Variants in SYN2 observed in about 807,000 individuals in gnomAD.
The protein encoded by SYN2 is synapsin-2.
A neutral mutation model predicts 50.9 loss-of-function variants in SYN2; 19 were observed. The observed-to-expected ratio is 0.37, with a 90% CI of 0.26 to 0.55. The LOEUF is 0.55. SYN2 is among the 20% of genes least tolerant of loss of function. The probability of loss-of-function intolerance (pLI) is 0.81; values close to 1 mark genes in which losing one functional copy is unlikely to be tolerated. For missense variants in SYN2, 587 were observed against 576.4 expected (o/e 1.02, Z -0.19); for synonymous variants, 255 against 224.9 (o/e 1.13, Z -1.20).
chr3:12,138,936 T>C (rs1696958029), intron 1 of SYN2, among the ~76,000 whole-genome samples: 1 of 152,316 alleles, frequency 6.6e-6, no homozygotes, highest in African/African-American at 2.4e-5. Flanking sequence ...AGTGCCATAC[T>C]AGACTCTATT....
chr3:12,096,762 A>C lies in SYN2; in HGVS notation c.378-43889A>C, dbSNP rs1186050954. The stretch of plus-strand genomic sequence containing the variant: ...GTAGAAGTTTTGCAGTTTAAAAGTT[A>C]GTAACAAATGAAAAATTTACTAGAG... On this transcript the variant is annotated intron_variant, in intron 1 of 12. Coordinates refer to ENST00000621198, the MANE Select transcript of SYN2 (RefSeq NM_133625.6). 2.6e-5 allele frequency among the ~76,000 whole-genome samples: 4 copies of C among 151,348 alleles called. No individual in the cohort carries two copies. In the East Asian group the frequency reaches 7.7e-4, roughly 29 times the overall value.
At chr3:12,082,749 G>C (rs1695610064) in intron 1 of SYN2, among the ~76,000 whole-genome samples, 2 of 152,068 alleles carry the variant, frequency 1.3e-5, no homozygotes. Flanking sequence ...TTTAAAAACT[G>C]TGTTACTCTT....
intron 1 of SYN2, among the ~76,000 whole-genome samples, chr3:12,063,266 T>TAG (rs758187385): frequency 6.6e-6 from 1 of 151,972 alleles, no homozygotes; most frequent in Non-Finnish European, 1.5e-5. Context: ...GATCCCAGGA[T>TAG]AGAATGCAGA....
intron 1 of SYN2, among the ~76,000 whole-genome samples, chr3:12,048,013 A>C (rs73813111): frequency 0.091 from 13,771 of 152,046 alleles, 2,048 homozygotes; most frequent in African/African-American, 0.31. Flanking sequence ...GTGTATTCCA[A>C]CCTTTTACTT....
intron 1 of SYN2, among the ~76,000 whole-genome samples, chr3:12,013,255 C>CA (rs1182723289): frequency 1.3e-5 from 2 of 152,196 alleles, no homozygotes; most frequent in Non-Finnish European, 2.9e-5. Context: ...AGGCATGAGC[C>CA]ACCACCCCCA....
intron 1 of SYN2, among the ~76,000 whole-genome samples, chr3:12,123,576 C>G (rs902142176): frequency 6.6e-6 from 1 of 152,092 alleles, no homozygotes; most frequent in Non-Finnish European, 1.5e-5. Context: ...CAAGGCCAAC[C>G]TAGGCAATGT....
chr3:12,155,066 C>T (rs1285092335), intron 5 of SYN2, among the ~76,000 whole-genome samples: 1 of 20,888 alleles, frequency 4.8e-5, no homozygotes, highest in African/African-American at 1.3e-4. Flanking sequence ...GTGGTATGGC[C>T]GTAGATTCCT....
chr3:12,056,158 A>G (rs1463109826), intron 1 of SYN2, among the ~76,000 whole-genome samples: 2 of 152,042 alleles, frequency 1.3e-5, no homozygotes, highest in African/African-American at 4.8e-5. Flanking sequence ...TGGAAGACAA[A>G]GTTGTGTTTT....
chr3:12,090,405 G>A (rs1016211664), intron 1 of SYN2, among the ~76,000 whole-genome samples: 2 of 152,102 alleles, frequency 1.3e-5, no homozygotes, highest in African/African-American at 4.8e-5. Flanking sequence ...ACTTAGAGTA[G>A]CCCCCATAAA....
chr3:12,066,209 GC>G (rs1220905274), intron 1 of SYN2, among the ~76,000 whole-genome samples: 1 of 152,228 alleles, frequency 6.6e-6, no homozygotes, highest in Non-Finnish European at 1.5e-5. Context: ...ATCAATATTG[GC>G]TTGTTAATTA....
chr3:12,041,905 C>T (rs189693780), intron 1 of SYN2, among the ~76,000 whole-genome samples: 111 of 152,328 alleles, frequency 7.3e-4, no homozygotes, highest in Non-Finnish European at 1.2e-3. Flanking sequence ...TTATATCCCT[C>T]GCTCAAAACG....
intron 1 of SYN2, among the ~76,000 whole-genome samples, chr3:12,058,335 C>G (rs1432562724): frequency 6.6e-6 from 1 of 152,110 alleles, no homozygotes; most frequent in Non-Finnish European, 1.5e-5. Flanking sequence ...TTAAGATATG[C>G]TATTATGCTG....
At chr3:12,120,780 A>G (rs2648337) in intron 1 of SYN2, among the ~76,000 whole-genome samples, 126,449 of 152,164 alleles carry the variant, frequency 0.83, 52,954 homozygotes, top group Middle Eastern at 0.93. Flanking sequence ...ACCTACCTCT[A>G]TATTTTATTT....
At chr3:12,101,798 T>G (rs1425017622) in intron 1 of SYN2, among the ~76,000 whole-genome samples, 1 of 151,686 alleles carries the variant, frequency 6.6e-6, no homozygotes, top group African/African-American at 2.4e-5. Context: ...GAATTGGAGG[T>G]GTTATTGGGA....
chr3:12,130,963 T>C (rs1696785830), intron 1 of SYN2, among the ~76,000 whole-genome samples: 1 of 152,148 alleles, frequency 6.6e-6, no homozygotes, highest in South Asian at 2.1e-4. Context: ...CCTTGAAGAA[T>C]TATGGCAGGG....
intron 10 of SYN2, among the ~76,000 whole-genome samples, chr3:12,175,858 A>G (rs541367458): frequency 5.3e-5 from 8 of 152,250 alleles, no homozygotes; most frequent in Non-Finnish European, 7.3e-5. Context: ...CATAAGAAGC[A>G]CTGGCCATGT....
At chr3:12,123,036 T>C (rs1464875529) in intron 1 of SYN2, among the ~76,000 whole-genome samples, 2 of 152,240 alleles carry the variant, frequency 1.3e-5, no homozygotes, top group African/African-American at 4.8e-5. Context: ...AAGGTAAAGC[T>C]GAAATTACCC....
chr3:12,151,422 TCAA>T lies in SYN2; in HGVS notation c.774+98_774+100del. On this transcript the variant is annotated intron_variant, in intron 5 of 12. Coordinates refer to ENST00000621198, the MANE Select transcript of SYN2 (RefSeq NM_133625.6). ...GGGCTCTGAAAAGGGCCTCAGCATC[TCAA>T]CCCCAAAGACTCCACTGGGGTTGAA... 3 of 943,044 alleles carry T rather than the reference TCAA, an allele frequency of 3.2e-6. No homozygotes were observed. The Admixed American group carries it at 6.0e-5, about 19-fold the overall frequency. The allele number at this position is 943,044 out of a possible 1,614,324, so 58.4% of individuals were successfully genotyped here. A position where few individuals can be genotyped will look rare whatever the true frequency, so the allele number is the denominator to read the frequency against.
chr3:12,087,394 A>C (rs1242501364), intron 1 of SYN2, among the ~76,000 whole-genome samples: 1 of 152,208 alleles, frequency 6.6e-6, no homozygotes, highest in Admixed American at 6.5e-5. Context: ...AAAGACTACA[A>C]ATATCTAAAG....
Sources: allele counts gnomAD v4.1 joint callset (sites outside exome capture counted in the v4.1 genomes callset), GRCh38; gene constraint gnomAD v4.1.1; transcripts MANE v1.5; gene names NCBI Gene and HGNC (gene_info 2026-07-23, HGNC 2026-07-21).